Variants in ZNF468 observed in about 807,000 individuals in gnomAD.
ZNF468 encodes zinc finger protein 468.
A neutral mutation model predicts 7.2 loss-of-function variants in ZNF468; 8 were observed. The observed-to-expected ratio is 1.11, with a 90% CI of 0.65 to 2.01. The LOEUF is 2.01. Among genes scored for constraint, ZNF468 ranks in the 30% most tolerant of loss-of-function variants. ZNF468 has a pLI of 0.00. For missense variants in ZNF468, 608 were observed against 626.5 expected (o/e 0.97, Z 0.31); for synonymous variants, 218 against 214.4 (o/e 1.02, Z -0.15).
At chr19:52,855,681 C>A (rs1214581947) in intron 1 of ZNF468, among the ~76,000 whole-genome samples, 4 of 142,666 alleles carry the variant, frequency 2.8e-5, no homozygotes, top group Non-Finnish European at 4.7e-5. Context: ...TTCTTCCATT[C>A]TTCTGCTTTT....
chr19:52,850,494 T>C (rs573071552), intron 2 of ZNF468, among the ~76,000 whole-genome samples: 1 of 152,056 alleles, frequency 6.6e-6, no homozygotes, highest in Non-Finnish European at 1.5e-5. Context: ...AAATTCACAA[T>C]TAGCAAAATC....
Position 52,840,791 on chromosome 19 carries a change from G to C in ZNF468, c.1503C>G (p.Gly501=), listed in dbSNP as rs2063288671. 4.4e-6 allele frequency: 7 copies of C among 1,609,004 alleles called. No homozygotes were observed. Among genetic ancestry groups the C allele is most frequent in the Non-Finnish European group, 5.9e-6 (7 of 1,177,808 alleles). The change falls in exon 4 of 4, where the codon GGC becomes GGG. Residue 501 remains glycine, a synonymous_variant. Coordinates refer to ENST00000595646, the MANE Select transcript of ZNF468 (RefSeq NM_001008801.2). ...GEKPYKCNEC[G]KTFSQMSSLV... ...GGGATGACATCTGACTGAAGGTCTT[G>C]CCACACTCATTACACTTGTAAGGTT... is the stretch of plus-strand genomic sequence containing the variant.
At chr19:52,844,287 T>C (rs1026412321) in intron 3 of ZNF468, among the ~76,000 whole-genome samples, 1 of 151,104 alleles carries the variant, frequency 6.6e-6, no homozygotes, top group African/African-American at 2.4e-5. Context: ...AAAGAGGTCC[T>C]TGCCTGTTCC....
intron 2 of ZNF468, among the ~76,000 whole-genome samples, chr19:52,850,625 C>T (rs1013612061): frequency 1.8e-4 from 27 of 151,176 alleles, no homozygotes; most frequent in Admixed American, 1.3e-3. Flanking sequence ...ATGGGCCGGG[C>T]GCGGTGGCTC....
intron 1 of ZNF468, among the ~76,000 whole-genome samples, chr19:52,855,535 G>A (rs1381506137): frequency 6.6e-6 from 1 of 152,258 alleles, no homozygotes; most frequent in Non-Finnish European, 1.5e-5. Flanking sequence ...TCGGGCTTTT[G>A]TCCTGGGGAA....
intron 1 of ZNF468, among the ~76,000 whole-genome samples, chr19:52,856,205 T>A (rs1245689004): frequency 6.6e-6 from 1 of 151,676 alleles, no homozygotes; most frequent in Non-Finnish European, 1.5e-5. Context: ...AACCAAGACA[T>A]AAGCAAATTA....
chr19:52,856,646 C>T (rs561923291), intron 1 of ZNF468, among the ~76,000 whole-genome samples: 3 of 141,358 alleles, frequency 2.1e-5, no homozygotes, highest in African/African-American at 7.7e-5. Context: ...ATCCCTCCTC[C>T]TCTCCCTCAC....
chr19:52,852,413 C>T (rs1177126132), intron 2 of ZNF468, among the ~76,000 whole-genome samples: 2 of 152,036 alleles, frequency 1.3e-5, no homozygotes, highest in Non-Finnish European at 1.5e-5. Context: ...TGGTGGCTCA[C>T]GCCTGTAATC....
chr19:52,848,693 C>A (rs569020552), intron 3 of ZNF468, among the ~76,000 whole-genome samples: 4 of 151,970 alleles, frequency 2.6e-5, no homozygotes, highest in East Asian at 1.9e-4. Flanking sequence ...TGGGATTACA[C>A]GTACGTGCCA....
chr19:52,853,181 G>A (rs563411125), intron 2 of ZNF468, among the ~76,000 whole-genome samples: 2 of 151,976 alleles, frequency 1.3e-5, no homozygotes, highest in African/African-American at 4.8e-5. Flanking sequence ...GTCTCATAAC[G>A]ATGCAGAAAT....
chr19:52,849,550 C>T (rs959073742), intron 2 of ZNF468: 110 of 276,422 alleles, frequency 4.0e-4, no homozygotes, highest in African/African-American at 1.1e-3. Context: ...AGACAGAGCA[C>T]AACTGATATC....
chr19:52,849,878 G>A (rs2063372106), intron 2 of ZNF468, among the ~76,000 whole-genome samples: 1 of 152,074 alleles, frequency 6.6e-6, no homozygotes, highest in Non-Finnish European at 1.5e-5. Flanking sequence ...ACTCAAGCCT[G>A]GGCAACAAAG....
chr19:52,840,803 A>C lies in ZNF468; in HGVS notation c.1491T>G (p.Cys497Trp). The part of the protein sequence containing the change: ...RLHTGEKPYK[C>W]NECGKTFSQM... The stretch of plus-strand genomic sequence containing the variant: ...GACTGAAGGTCTTGCCACACTCATT[A>C]CACTTGTAAGGTTTCTCTCCAGTAT... Residue 497 changes from cysteine (C) to tryptophan (W), a missense_variant, in exon 4 of 4, where the codon TGT (cysteine) becomes TGG (tryptophan). Transcript: ENST00000595646. 6.2e-7 allele frequency: 1 copy of C among 1,608,998 alleles called. No individual in the cohort carries two copies. Among genetic ancestry groups the C allele is most frequent in the East Asian group, 2.2e-5 (1 of 44,762 alleles).
rs2063303563 is a variant in ZNF468 at position 52,841,732 on chromosome 19, T to C, written c.562A>G (p.Ile188Val). The C allele has an allele frequency of 1.9e-6, 3 of 1,613,970 alleles. No individual in the cohort carries two copies. In the African/African-American group the frequency reaches 4.0e-5, roughly 22 times the overall value. Residue 188 changes from isoleucine (I) to valine (V), a missense_variant, in exon 4 of 4, where the codon ATT becomes GTT. Transcript: ENST00000595646. ...GAATTATTTCCATACTTATTAGAAA[T>C]ATGGGTTTTGGGCCTACAACAAATT... Reference protein sequence around the residue: ...QRICCRPKTHISNKYGNNSLH... With the variant: ...QRICCRPKTHVSNKYGNNSLH...
Position 52,841,427 on chromosome 19 carries a change from G to T in ZNF468, c.867C>A (p.His289Gln). 1 of 1,613,762 alleles carries T rather than the reference G, an allele frequency of 6.2e-7. No homozygotes were observed. The highest frequency in any genetic ancestry group is 8.5e-7 in the Non-Finnish European group (1 of 1,179,882). Reference sequence around the variant, plus strand: ...GTTTCTCTCCAGTATGAAGCGCTTTGTGAATGAAGAGGGATGAATTATGAC... The same window carrying T: ...GTTTCTCTCCAGTATGAAGCGCTTTTTGAATGAAGAGGGATGAATTATGAC... ...TFGHNSSLFI[H>Q]KALHTGEKPY... Residue 289 changes from histidine (H) to glutamine (Q), a missense_variant, in exon 4 of 4, where the codon CAC (histidine) becomes CAA (glutamine). His to Gln is a conservative substitution (Grantham distance 24). Coordinates refer to ENST00000595646, the MANE Select transcript of ZNF468 (RefSeq NM_001008801.2).
chr19:52,856,826 A>G (rs2063444270), intron 1 of ZNF468, among the ~76,000 whole-genome samples: 1 of 151,768 alleles, frequency 6.6e-6, no homozygotes, highest in African/African-American at 2.4e-5. Context: ...CTACTTTGCC[A>G]TCTGTTATGG....
intron 2 of ZNF468, among the ~76,000 whole-genome samples, chr19:52,853,223 C>T (rs1211403687): frequency 6.6e-6 from 1 of 151,978 alleles, no homozygotes; most frequent in African/African-American, 2.4e-5. Flanking sequence ...TGACAGCTAA[C>T]ACAGAACTGA....
chr19:52,852,627 G>A (rs2063399518), intron 2 of ZNF468, among the ~76,000 whole-genome samples: 1 of 151,230 alleles, frequency 6.6e-6, no homozygotes, highest in South Asian at 2.1e-4. Flanking sequence ...AGTGAGCCGA[G>A]ATCACACCAC....
chr19:52,842,124 G>T lies in ZNF468; in HGVS notation c.170C>A (p.Thr57Lys). Residue 57 changes from threonine to lysine, a missense_variant, in exon 4 of 4, where the codon ACG becomes AAG. By Grantham distance (78) the Thr-to-Lys change is moderately conservative. Coordinates refer to ENST00000595646, the MANE Select transcript of ZNF468 (RefSeq NM_001008801.2). ...LDISSKCMLKTLSSTGQGNTE... is the reference protein window; with the variant it reads ...LDISSKCMLKKLSSTGQGNTE... ...ATTGCCTTGCCCTGTTGACGACAACGTCTTCAACATGCATTTGGAAGAGAT... is the reference window on the plus strand; with the variant it reads ...ATTGCCTTGCCCTGTTGACGACAACTTCTTCAACATGCATTTGGAAGAGAT... The T allele has an allele frequency of 6.3e-7, 1 of 1,593,912 alleles. No individual in the cohort carries two copies. Among genetic ancestry groups the T allele is most frequent in the Non-Finnish European group, 8.5e-7 (1 of 1,170,154 alleles).
Sources: gnomAD v4.1 joint callset for allele counts (sites outside exome capture counted in the v4.1 genomes callset) on GRCh38, gnomAD v4.1.1 for gene constraint, MANE v1.5 for transcripts, NCBI Gene and HGNC (gene_info 2026-07-23, HGNC 2026-07-21) for gene names.